HERC1: variants seen among roughly 807,000 people sequenced by gnomAD.
HERC1 encodes the protein HECT and RLD domain containing E3 ubiquitin protein ligase family member 1.
Under a neutral mutation model 554.3 loss-of-function variants are expected in HERC1, and 160 were observed. The observed-to-expected ratio is 0.29, with a 90% CI of 0.25 to 0.33. The LOEUF (loss-of-function observed/expected upper bound fraction) is 0.33, where lower values mean the gene tolerates loss of function less well. HERC1 is among the 10% of genes least tolerant of loss of function. The pLI is 1.00. For synonymous variants in HERC1, 2,175 were observed against 2,131.7 expected, an observed-to-expected ratio of 1.02 and a Z score of -0.56; for missense variants, 4,919 against 5,918.5, an observed-to-expected ratio of 0.83 and a Z score of 5.54.
chr15:63,723,885 T>A, intron 18 of HERC1, among the ~76,000 whole-genome samples: 1 of 152,228 alleles, frequency 6.6e-6, no homozygotes, highest in Middle Eastern at 3.2e-3. Flanking sequence ...TCCTAACTTT[T>A]CAGTGTGACA....
At chr15:63,693,937 A>G (rs2072264364) in intron 30 of HERC1, 27 bp downstream of exon 30, 3 of 1,541,482 alleles carry the variant, frequency 1.9e-6, no homozygotes, top group Non-Finnish European at 2.6e-6. Context: ...GCTTGTAAGT[A>G]AAGACAGAGA....
Position 63,642,885 on chromosome 15 carries a change from G to A in HERC1, c.11433+72C>T, listed in dbSNP as rs2069142587. The A allele has an allele frequency of 3.5e-6, 3 of 856,126 alleles. No homozygotes were observed. The South Asian group carries it at 4.3e-5, about 12-fold the overall frequency. The allele number at this position is 856,126 out of a possible 1,614,324, so 53.0% of individuals were successfully genotyped here. On this transcript the variant is annotated intron_variant, in intron 59 of 77. Transcript: ENST00000443617. ...ATCAGGTTTCTCCTCCATAAAGTGG[G>A]GTGGTTAGACTATGATTTCTAAAGT...
chr15:63,687,939 A>C (rs2071871981), intron 33 of HERC1, among the ~76,000 whole-genome samples: 1 of 152,250 alleles, frequency 6.6e-6, no homozygotes, highest in Non-Finnish European at 1.5e-5. Flanking sequence ...CAAGTTGCTT[A>C]GACTATAGTG....
intron 47 of HERC1, among the ~76,000 whole-genome samples, chr15:63,659,078 T>C (rs994932103): frequency 6.6e-6 from 1 of 152,236 alleles, no homozygotes; most frequent in African/African-American, 2.4e-5. Flanking sequence ...ATTCTTTATT[T>C]TGTATTCCCT....
intron 74 of HERC1, 27 bp downstream of exon 74, chr15:63,622,788 A>G (rs2068141588): frequency 1.3e-6 from 2 of 1,519,606 alleles, no homozygotes; most frequent in African/African-American, 1.4e-5. Flanking sequence ...TTTTAGACAT[A>G]TAATGAACAC....
rs763011437 is a variant in HERC1, at chr15:63,674,908, T to A, written c.7280A>T (p.Asp2427Val). 1.2e-6 allele frequency: 2 copies of A among 1,613,920 alleles called. No individual in the cohort carries two copies. Among genetic ancestry groups the A allele is most frequent in the Non-Finnish European group, 1.7e-6 (2 of 1,179,898 alleles). The part of the protein sequence containing the change: ...KHRHESEEKG[D>V]VEQKPESESA... ...TTCACTCTCAGGTTTCTGCTCAACATCCCCTTTCTCCTCGGATTCATGTCG... is the reference window on the plus strand; with the variant it reads ...TTCACTCTCAGGTTTCTGCTCAACAACCCCTTTCTCCTCGGATTCATGTCG... Residue 2427 changes from aspartate (D) to valine (V), a missense_variant, in exon 38 of 78, where the codon GAT becomes GTT. By Grantham distance (152) the Asp-to-Val change is radical (BLOSUM62 -3). Around this residue, in one of 11 missense-constraint regions of HERC1, gnomAD observed 1,963 missense variants for 2,228.6 expected, o/e 0.88. Transcript: ENST00000443617.
intron 47 of HERC1, among the ~76,000 whole-genome samples, chr15:63,659,194 C>CA (rs1403176348): frequency 2.0e-5 from 3 of 151,870 alleles, no homozygotes; most frequent in South Asian, 2.1e-4. Context: ...TTTTAAATAA[C>CA]AAGTTCTATA....
At position 63,661,951 on chromosome 15, in the gene HERC1, A is replaced by G; in HGVS notation, c.8972T>C (p.Phe2991Ser). The change falls in exon 45 of 78, where the codon TTC becomes TCC. Residue 2991 changes from phenylalanine to serine, a missense_variant. Physicochemically the swap from Phe to Ser is radical, Grantham distance 155 (BLOSUM62 -2). Transcript: ENST00000443617. Reference sequence around the variant, plus strand: ...ATGGTTTCTCTTCATGTGCTGATTGAAGCTGACGACGCTGCATTCACACAG... The same window carrying G: ...ATGGTTTCTCTTCATGTGCTGATTGGAGCTGACGACGCTGCATTCACACAG... ...CELCECSVVS[F>S]NQHMKRNHPG... The G allele has an allele frequency of 1.6e-5, 26 of 1,613,978 alleles. No individual in the cohort carries two copies. Among genetic ancestry groups the G allele is most frequent in the Non-Finnish European group, 2.1e-5 (25 of 1,179,884 alleles).
rs150712946 is a variant in HERC1, at chr15:63,709,437, G to T, written c.4585-2606C>A. Among the ~76,000 whole-genome samples, 924 of 152,048 alleles carry T rather than the reference G, an allele frequency of 6.1e-3. 11 individuals are homozygous for T. The highest frequency in any genetic ancestry group is 0.021 in the African/African-American group (876 of 41,450). On this transcript the variant is annotated intron_variant, in intron 24 of 77. Transcript: ENST00000443617. ...CTCAATCCTCCTCCATTGATCTGTT[G>T]TCCCCATTTATAATTTTCCAGATAT... is the stretch of plus-strand genomic sequence containing the variant.
chr15:63,756,890 G>A lies in HERC1; in HGVS notation c.1222-142C>T. The A allele has an allele frequency of 1.7e-6, 1 of 583,678 alleles. No individual in the cohort carries two copies. The highest frequency in any genetic ancestry group is 2.9e-6 in the Non-Finnish European group (1 of 340,030). 36.2% of individuals were successfully genotyped at this position (583,678 alleles called of 1,614,324 possible). A position where few individuals can be genotyped will look rare whatever the true frequency, so the allele number is the denominator to read the frequency against. On this transcript the variant is annotated intron_variant, in intron 4 of 77. Coordinates refer to ENST00000443617, the MANE Select transcript of HERC1 (RefSeq NM_003922.4). This position sits in a 1 kb window ranked among gnomAD's most constrained non-coding sequence, Gnocchi z 5.0. ...CTCCAGAGAGATTAAGGAATATACA[G>A]AAATCTAAGAGAACACGAATGGCCT...
At position 63,718,418 on chromosome 15, in the gene HERC1, C is replaced by A; in HGVS notation, c.3978+156G>T. ...ATGTGAGGTTAAGTAAATCTCAAAT[C>A]TTTTCCTTTTTTTTTTTCTGCTAGG... On this transcript the variant is annotated intron_variant, in intron 21 of 77. Transcript: ENST00000443617. This position sits in a 1 kb window ranked among gnomAD's most constrained non-coding sequence, Gnocchi z 4.2. 2 of 676,582 alleles carry A rather than the reference C, an allele frequency of 3.0e-6. No individual in the cohort carries two copies. The highest frequency in any genetic ancestry group is 4.5e-6 in the Non-Finnish European group (2 of 440,602). 41.9% of individuals were successfully genotyped at this position (676,582 alleles called of 1,614,324 possible).
At position 63,713,639 on chromosome 15, in the gene HERC1, G is replaced by T; in HGVS notation, c.4177C>A (p.Arg1393Ser). The change falls in exon 23 of 78, where the codon CGT becomes AGT. Residue 1393 changes from arginine (R) to serine (S), a missense_variant. This residue lies in a region of HERC1 where 1,121 missense variants were observed against 1,244.0 expected (regional missense o/e 0.90). Coordinates refer to ENST00000443617, the MANE Select transcript of HERC1 (RefSeq NM_003922.4). ...GKIFQCFLSA[R>S]EVARSRDRDR... ...CGGTCTCGGCTACGAGCTACTTCAC[G>T]GGCTGAGAGGAAACACTGAAAGATT... 6.2e-7 allele frequency: 1 copy of T among 1,611,370 alleles called. No homozygotes were observed. The highest frequency in any genetic ancestry group is 2.2e-5 in the East Asian group (1 of 44,798).
chr15:63,638,082 T>C lies in HERC1; in HGVS notation c.12093+329A>G, dbSNP rs139124421. 4.9e-4 allele frequency among the ~76,000 whole-genome samples: 75 copies of C among 152,308 alleles called. No homozygotes were observed. The East Asian group carries it at 0.014, about 28-fold the overall frequency. ...GAAAAGGGGAGTGGTCGATAAAATC[T>C]GGCTAAAGATCCTAGGAAGTTTTTA... On this transcript the variant is annotated intron_variant, in intron 63 of 77. Transcript: ENST00000443617.
At chr15:63,697,413 A>G (rs1366010907) in intron 26 of HERC1, among the ~76,000 whole-genome samples, 3 of 150,562 alleles carry the variant, frequency 2.0e-5, no homozygotes, top group Non-Finnish European at 2.9e-5. Flanking sequence ...TCATTACACT[A>G]TATCGACATG....
At chr15:63,780,122 T>C (rs563798621) in intron 1 of HERC1, 8 of 151,250 alleles carry the variant, frequency 5.3e-5, no homozygotes, top group African/African-American at 9.7e-5. Flanking sequence ...TTTCAGAAAA[T>C]AGACATTTTT....
At chr15:63,631,718 T>C (rs1272453429) in intron 68 of HERC1, among the ~76,000 whole-genome samples, 2 of 152,180 alleles carry the variant, frequency 1.3e-5, no homozygotes, top group Admixed American at 1.3e-4. Flanking sequence ...TTTTTGTCTG[T>C]TTAGTAGAGA....
chr15:63,811,222 A>G (rs1270196797), intron 1 of HERC1, among the ~76,000 whole-genome samples: 1 of 152,240 alleles, frequency 6.6e-6, no homozygotes, highest in Non-Finnish European at 1.5e-5. Flanking sequence ...TCGGTGTGAT[A>G]AAAGTATTGT....
At chr15:63,746,868 C>G (rs139258279) in intron 12 of HERC1, 50 bp downstream of exon 12, 2 of 1,478,364 alleles carry the variant, frequency 1.4e-6, no homozygotes, top group African/African-American at 1.4e-5. Context: ...GCTAAAATCT[C>G]AGAGAAAGAC....
intron 16 of HERC1, among the ~76,000 whole-genome samples, chr15:63,728,968 A>T (rs2074157775): frequency 1.3e-5 from 2 of 151,950 alleles, no homozygotes; most frequent in South Asian, 4.2e-4. Flanking sequence ...CAGATTAAAA[A>T]ATCTCACTTT....
Sources: allele counts gnomAD v4.1 joint callset (sites outside exome capture counted in the v4.1 genomes callset), GRCh38; gene constraint gnomAD v4.1.1; regional missense constraint gnomAD v4.1.1; non-coding constraint Gnocchi (gnomAD v3.1); transcripts MANE v1.5; gene names NCBI Gene and HGNC (gene_info 2026-07-23, HGNC 2026-07-21).